The following DPYD variants were observed in gnomAD, a reference collection of about 807,000 sequenced individuals.
DPYD encodes dihydropyrimidine dehydrogenase [NADP(+)].
DPYD carries 109 observed loss-of-function variants against 116.2 expected under a neutral mutation model. The ratio of observed to expected loss-of-function variants is 0.94; its 90% confidence interval spans 0.80 to 1.10. The LOEUF (loss-of-function observed/expected upper bound fraction) is 1.10. DPYD is among the 50% of genes least tolerant of loss of function. DPYD has a pLI of 0.00. For missense variants in DPYD, 1,302 were observed against 1,254.5 expected, an observed-to-expected ratio of 1.04 and a Z score of -0.57; for synonymous variants, 440 against 432.0, an observed-to-expected ratio of 1.02 and a Z score of -0.23.
At chr1:97,773,104 C>T (rs1282010345) in intron 3 of DPYD, among the ~76,000 whole-genome samples, 1 of 152,146 alleles carries the variant, frequency 6.6e-6, no homozygotes, top group African/African-American at 2.4e-5. Context: ...CTAACAATGG[C>T]TCTGAAATAA....
chr1:97,114,661 A>T (rs943716680), intron 20 of DPYD, among the ~76,000 whole-genome samples: 2 of 152,178 alleles, frequency 1.3e-5, no homozygotes, highest in Non-Finnish European at 2.9e-5. Flanking sequence ...TACACAGGAC[A>T]GTGTCAATAC....
chr1:97,845,823 G>A lies in DPYD; in HGVS notation c.151-17627C>T, dbSNP rs549744911. ...TGGCTCCTGACATTTCCAAGCTTCCGGGCACCATCACATTCCCCTCATCCA... is the reference window on the plus strand; with the variant it reads ...TGGCTCCTGACATTTCCAAGCTTCCAGGCACCATCACATTCCCCTCATCCA... On this transcript the variant is annotated intron_variant, in intron 2 of 22. Coordinates refer to ENST00000370192, the MANE Select transcript of DPYD (RefSeq NM_000110.4). 2.6e-5 allele frequency among the ~76,000 whole-genome samples: 4 copies of A among 152,238 alleles called. No individual in the cohort carries two copies. The South Asian group carries it at 6.2e-4, about 24-fold the overall frequency.
intron 3 of DPYD, among the ~76,000 whole-genome samples, chr1:97,757,590 G>A (rs150328914): frequency 1.1e-4 from 17 of 152,210 alleles, no homozygotes; most frequent in Admixed American, 2.0e-4. Flanking sequence ...GAGGATATGC[G>A]TTCCTATCTT....
At chr1:97,777,639 C>G (rs898289408) in intron 3 of DPYD, among the ~76,000 whole-genome samples, 1 of 152,118 alleles carries the variant, frequency 6.6e-6, no homozygotes, top group Non-Finnish European at 1.5e-5. Flanking sequence ...TATTTAAGGA[C>G]AGATATCATG....
chr1:97,624,318 A>G (rs1247928273), intron 8 of DPYD, among the ~76,000 whole-genome samples: 1 of 152,080 alleles, frequency 6.6e-6, no homozygotes, highest in Non-Finnish European at 1.5e-5. Flanking sequence ...AAGGGATCTA[A>G]ATAGACATTT....
At chr1:97,590,929 A>G (rs1205085233) in intron 10 of DPYD, among the ~76,000 whole-genome samples, 1 of 152,202 alleles carries the variant, frequency 6.6e-6, no homozygotes, top group Non-Finnish European at 1.5e-5. Flanking sequence ...AAAGCAGCCC[A>G]GTGATTTTTC....
intron 13 of DPYD, among the ~76,000 whole-genome samples, chr1:97,466,223 T>C (rs1448079374): frequency 1.3e-5 from 2 of 152,230 alleles, no homozygotes; most frequent in Non-Finnish European, 1.5e-5. Flanking sequence ...AATATTCTTA[T>C]TTGTTGACCT....
intron 16 of DPYD, among the ~76,000 whole-genome samples, chr1:97,330,273 T>G (rs1277075613): frequency 2.6e-5 from 4 of 152,306 alleles, no homozygotes; most frequent in Admixed American, 1.3e-4. Flanking sequence ...TTCATTCTCT[T>G]TTATATCACT....
At chr1:97,104,097 C>T (rs1387108591) in intron 20 of DPYD, among the ~76,000 whole-genome samples, 1 of 152,130 alleles carries the variant, frequency 6.6e-6, no homozygotes, top group Non-Finnish European at 1.5e-5. Context: ...TCTGTGCCTA[C>T]TGCACTGCCT....
At chr1:97,090,675 A>T (rs1248430521) in intron 21 of DPYD, among the ~76,000 whole-genome samples, 1 of 152,182 alleles carries the variant, frequency 6.6e-6, no homozygotes, top group East Asian at 1.9e-4. Flanking sequence ...ATAATTTTTA[A>T]CATGTGTCTT....
Position 97,193,240 on chromosome 1 carries a change from A to C in DPYD, c.2451T>G (p.Ser817Arg). ...HSGASVLQVC[S>R]AIQNQDFTVI... Reference sequence around the variant, plus strand: ...CAGTGAAATCCTGATTCTGAATGGCACTGCATACCTAGAAAAGACAGAGCA... The same window carrying C: ...CAGTGAAATCCTGATTCTGAATGGCCCTGCATACCTAGAAAAGACAGAGCA... The change falls in exon 20 of 23, where the codon AGT (serine) becomes AGG (arginine). Residue 817 changes from serine to arginine, a missense_variant. Ser to Arg is a moderately radical substitution (Grantham distance 110). Coordinates refer to ENST00000370192, the MANE Select transcript of DPYD (RefSeq NM_000110.4). 1 of 1,613,486 alleles carries C rather than the reference A, an allele frequency of 6.2e-7. No individual in the cohort carries two copies. The highest frequency in any genetic ancestry group is 2.2e-5 in the East Asian group (1 of 44,754).
At chr1:97,838,459 T>A (rs1052409164) in intron 2 of DPYD, among the ~76,000 whole-genome samples, 3 of 152,242 alleles carry the variant, frequency 2.0e-5, no homozygotes, top group Non-Finnish European at 4.4e-5. Flanking sequence ...TCATCAACTG[T>A]AATCAACAGA....
Position 97,550,650 on chromosome 1 carries a change from C to T in DPYD, c.1340-906G>A, listed in dbSNP as rs144498740. ...AGGATAAAATGTTCTCTCCAGGTAA[C>T]GTCATAATTTTTAAGCACAGCATCT... On this transcript the variant is annotated intron_variant, in intron 11 of 22. Transcript: ENST00000370192. Among the ~76,000 whole-genome samples the T allele has an allele frequency of 7.1e-3, 1,079 of 152,142 alleles. 6 individuals are homozygous for T. The highest frequency in any genetic ancestry group is 0.024 in the African/African-American group (1,003 of 41,512).
intron 14 of DPYD, among the ~76,000 whole-genome samples, chr1:97,391,184 T>C (rs1672683397): frequency 6.6e-6 from 1 of 151,874 alleles, no homozygotes; most frequent in Non-Finnish European, 1.5e-5. Flanking sequence ...GCAATGACTG[T>C]AAATAATATC....
chr1:97,676,549 A>T (rs537677045), intron 8 of DPYD, among the ~76,000 whole-genome samples: 1 of 152,284 alleles, frequency 6.6e-6, no homozygotes, highest in African/African-American at 2.4e-5. Flanking sequence ...AAACTGCCCA[A>T]ATGTATATCC....
chr1:97,402,642 T>A (rs1411044668), intron 14 of DPYD, among the ~76,000 whole-genome samples: 1 of 152,098 alleles, frequency 6.6e-6, no homozygotes, highest in Non-Finnish European at 1.5e-5. Flanking sequence ...AGTTCCAGTA[T>A]AATTATGAAA....
intron 3 of DPYD, among the ~76,000 whole-genome samples, chr1:97,762,559 T>A (rs1665635161): frequency 1.3e-5 from 2 of 152,118 alleles, no homozygotes; most frequent in Admixed American, 1.3e-4. Flanking sequence ...ACCTTTATAT[T>A]TTAAAACTGC....
chr1:97,237,851 T>C (rs1662059551), intron 18 of DPYD, among the ~76,000 whole-genome samples: 1 of 152,160 alleles, frequency 6.6e-6, no homozygotes, highest in Non-Finnish European at 1.5e-5. Context: ...TCCTCCCTTA[T>C]TTAGTTGACC....
rs373966242 is a variant in DPYD at position 97,611,300 on chromosome 1, GC to G, written c.851-16135del. ...CACGAGAACAACACAGGAAAGACCT[GC>G]CCCCATGATTCAATCATTTCCCACC... On this transcript the variant is annotated intron_variant, in intron 8 of 22. Transcript: ENST00000370192. 4.6e-3 allele frequency among the ~76,000 whole-genome samples: 697 copies of G among 152,046 alleles called. 10 individuals are homozygous for G. Among genetic ancestry groups the G allele is most frequent in the African/African-American group, 0.016 (653 of 41,520 alleles).
Sources: gnomAD v4.1 joint callset for allele counts (sites outside exome capture counted in the v4.1 genomes callset) on GRCh38, gnomAD v4.1.1 for gene constraint, MANE v1.5 for transcripts, NCBI Gene and HGNC (gene_info 2026-07-23, HGNC 2026-07-21) for gene names.